FBXL18: variants seen among roughly 807,000 people sequenced by gnomAD.
FBXL18 encodes F-box and leucine rich repeat protein 18.
In FBXL18, 36 loss-of-function variants were observed where a neutral mutation model predicts 46.0. The ratio of observed to expected loss-of-function variants is 0.78; its 90% confidence interval spans 0.60 to 1.03. The LOEUF is 1.03. FBXL18 is among the 50% of genes least tolerant of loss of function. FBXL18 has a pLI of 0.00. For synonymous variants in FBXL18, 557 were observed against 465.3 expected (o/e 1.20, Z -2.54); for missense variants, 977 against 1,004.1 (o/e 0.97, Z 0.36).
chr7:5,513,017 C>T (rs1784579627), intron 1 of FBXL18, among the ~76,000 whole-genome samples: 1 of 152,202 alleles, frequency 6.6e-6, no homozygotes, highest in South Asian at 2.1e-4. Flanking sequence ...AGGCAGGAAG[C>T]ATCAACGGGA....
intron 4 of FBXL18, among the ~76,000 whole-genome samples, chr7:5,488,248 A>C (rs2128235113): frequency 6.6e-6 from 1 of 152,358 alleles, no homozygotes; most frequent in East Asian, 1.9e-4. Flanking sequence ...AGCCGGCCAC[A>C]GGCAGCAGGT....
chr7:5,462,241 A>C (rs1783258019), intron 4 of FBXL18, among the ~76,000 whole-genome samples: 1 of 152,170 alleles, frequency 6.6e-6, no homozygotes, highest in Non-Finnish European at 1.5e-5. Flanking sequence ...AAAAGATAAA[A>C]GAAAAGAAAC....
At position 5,496,304 on chromosome 7, in the gene FBXL18, G is replaced by A. The variant is rs992390768; in HGVS notation, c.1781+4184C>T. 1.3e-5 allele frequency among the ~76,000 whole-genome samples: 2 copies of A among 152,094 alleles called. No homozygotes were observed. Among genetic ancestry groups the A allele is most frequent in the Non-Finnish European group, 2.9e-5 (2 of 68,010 alleles). The stretch of plus-strand genomic sequence containing the variant: ...ATGAGCCCAAAGGTCCCCTCCACCC[G>A]CGGTGGCTGCCGTCACCTCTGCCTC... On this transcript the variant is annotated intron_variant, in intron 3 of 4. Transcript: ENST00000382368. The surrounding 1 kb of genome is among the most constrained non-coding windows in gnomAD (Gnocchi z 4.8).
In FBXL18 at chr7:5,480,209, A is replaced by T. The variant is rs115019745; in HGVS notation, c.*1566T>A. 0.023 allele frequency among the ~76,000 whole-genome samples: 3,446 copies of T among 152,260 alleles called. 142 individuals are homozygous for T. Among genetic ancestry groups the T allele is most frequent in the African/African-American group, 0.078 (3,238 of 41,546 alleles). ...AGGACGGGGCATCTGTCACACGGAA[A>T]CCCAGGAGGAGGAAGGCGGGCTGGA... On this transcript the variant is annotated 3_prime_UTR_variant, in exon 5 of 5. Transcript: ENST00000382368.
intron 4 of FBXL18, 111 bp downstream of exon 4, chr7:5,491,120 C>T (rs969364442): frequency 3.0e-6 from 3 of 1,008,188 alleles, no homozygotes; most frequent in Middle Eastern, 2.1e-4. Context: ...GCCTGGTGCT[C>T]GTCAATTCCA....
intron 4 of FBXL18, among the ~76,000 whole-genome samples, chr7:5,456,076 G>A (rs1309778556): frequency 6.6e-6 from 1 of 151,898 alleles, no homozygotes. Flanking sequence ...TTCTGCACTG[G>A]CCCGGTCACC....
At chr7:5,471,800 C>T (rs1161589132), downstream of FBXL18, among the ~76,000 whole-genome samples, 2 of 152,202 alleles carry the variant, frequency 1.3e-5, no homozygotes, top group Non-Finnish European at 2.9e-5. Context: ...GCCTCCCTGG[C>T]GTAGTGCCCC....
intron 4 of FBXL18, among the ~76,000 whole-genome samples, chr7:5,466,164 G>T (rs1008555986): frequency 9.1e-5 from 12 of 132,232 alleles, no homozygotes; most frequent in Non-Finnish European, 1.8e-4. Flanking sequence ...AGACATCAGA[G>T]AATTTAAAAA....
chr7:5,459,237 G>C (rs1031562809), intron 4 of FBXL18, among the ~76,000 whole-genome samples: 4 of 152,214 alleles, frequency 2.6e-5, no homozygotes, highest in African/African-American at 4.8e-5. Context: ...GATTTTACCA[G>C]ACACAGGTCT....
chr7:5,482,812 G>A (rs1356055293), intron 4 of FBXL18, among the ~76,000 whole-genome samples: 1 of 152,116 alleles, frequency 6.6e-6, no homozygotes, highest in Non-Finnish European at 1.5e-5. Flanking sequence ...GAGGTGGGAG[G>A]ATTGTTTGAG....
In FBXL18 at chr7:5,479,461, G is replaced by T. The variant is rs1783590668; in HGVS notation, c.*2314C>A. The T allele has an allele frequency of 6.6e-6, 1 of 152,216 alleles. No individual in the cohort carries two copies. Among genetic ancestry groups the T allele is most frequent in the Admixed American group, 6.5e-5 (1 of 15,280 alleles). The allele number at this position is 152,216 out of a possible 1,614,324, so 9.4% of individuals were successfully genotyped here. ...CCTGCCTGGTCGGAGAGCAAGAAGT[G>T]GTCAGTCCCAGGAGGCACCACACCA... On this transcript the variant is annotated 3_prime_UTR_variant, in exon 5 of 5. Coordinates refer to ENST00000382368, the MANE Select transcript of FBXL18 (RefSeq NM_024963.6).
At chr7:5,502,717 G>A (rs527670878) in intron 2 of FBXL18, among the ~76,000 whole-genome samples, 1 of 151,636 alleles carries the variant, frequency 6.6e-6, no homozygotes, top group Non-Finnish European at 1.5e-5. Context: ...TGTAAGCCAA[G>A]CTACTGGGGA....
At position 5,501,979 on chromosome 7, in the gene FBXL18, TG is replaced by T. The variant is rs751321078; in HGVS notation, c.289del (p.Gln97SerfsTer3). The T allele has an allele frequency of 6.2e-7, 1 of 1,608,150 alleles. No individual in the cohort carries two copies. Among genetic ancestry groups the T allele is most frequent in the East Asian group, 2.2e-5 (1 of 44,744 alleles). ...GTAGCAGCCAGCCATGCTCAGCTGC[TG>T]GATCTCCCGGCCGATCTCCTTCACC... Reference protein sequence around the residue: ...QLVKEIGREIQQLSMAGCYWL... With the variant: ...QLVKEIGREIXQLSMAGCYWL... On this transcript the variant is annotated frameshift_variant, in exon 3 of 5. Coordinates refer to ENST00000382368, the MANE Select transcript of FBXL18 (RefSeq NM_024963.6). LOFTEE classifies it high-confidence loss of function.
At chr7:5,506,113 C>A (rs1446610312) in intron 1 of FBXL18, among the ~76,000 whole-genome samples, 2 of 152,072 alleles carry the variant, frequency 1.3e-5, no homozygotes, top group African/African-American at 4.8e-5. Context: ...ATCCTCCTGC[C>A]TTGGCCTCCC....
chr7:5,510,297 T>C (rs1265654274), intron 1 of FBXL18, among the ~76,000 whole-genome samples: 5 of 120,764 alleles, frequency 4.1e-5, no homozygotes, highest in Admixed American at 3.8e-4. Context: ...AGTAAGACTC[T>C]GTCTCAAAAA....
rs1485906800 is a variant in FBXL18, at chr7:5,496,549, G to T, written c.1781+3939C>A. Among the ~76,000 whole-genome samples the T allele has an allele frequency of 6.6e-6, 1 of 152,212 alleles. No homozygotes were observed. The highest frequency in any genetic ancestry group is 1.5e-5 in the Non-Finnish European group (1 of 68,032). On this transcript the variant is annotated intron_variant, in intron 3 of 4. Transcript: ENST00000382368. This position sits in a 1 kb window ranked among gnomAD's most constrained non-coding sequence, Gnocchi z 4.8. ...CAGGCCAGACCTCAGCCTGGACTCA[G>T]GGCTTGGCTTAGGCCCATCAACTAG...
At chr7:5,511,630 T>C (rs1369466677) in intron 1 of FBXL18, among the ~76,000 whole-genome samples, 2 of 147,656 alleles carry the variant, frequency 1.4e-5, no homozygotes, top group Non-Finnish European at 3.0e-5. Context: ...CAGCCAGGTG[T>C]GGTGGTGGGC....
intron 2 of FBXL18, among the ~76,000 whole-genome samples, chr7:5,504,183 A>C (rs191411845): frequency 2.0e-5 from 3 of 151,838 alleles, no homozygotes; most frequent in Non-Finnish European, 4.4e-5. Flanking sequence ...TAATCCCAGC[A>C]CTTTGTGAGG....
At chr7:5,460,668 G>C (rs1020793132) in intron 4 of FBXL18, among the ~76,000 whole-genome samples, 3 of 152,146 alleles carry the variant, frequency 2.0e-5, no homozygotes, top group Non-Finnish European at 4.4e-5. Flanking sequence ...GGCCAGGCTG[G>C]TCTTGAACTC....
Sources: gnomAD v4.1 joint callset for allele counts (sites outside exome capture counted in the v4.1 genomes callset) on GRCh38, gnomAD v4.1.1 for gene constraint, Gnocchi (gnomAD v3.1) non-coding constraint, MANE v1.5 for transcripts, NCBI Gene and HGNC (gene_info 2026-07-23, HGNC 2026-07-21) for gene names.